GRID2: variants seen among roughly 807,000 people sequenced by gnomAD.
GRID2 encodes the protein glutamate ionotropic receptor delta type subunit 2.
A neutral mutation model predicts 114.8 loss-of-function variants in GRID2; 33 were observed. That is an observed-to-expected ratio of 0.29 (90% CI 0.22 to 0.38). GRID2 has a LOEUF of 0.38. Among genes scored for constraint, GRID2 ranks in the 10% least tolerant of loss-of-function variants. GRID2 has a pLI of 1.00. For missense variants in GRID2, 1,184 were observed against 1,257.7 expected (o/e 0.94, Z 0.89); for synonymous variants, 505 against 449.9 (o/e 1.12, Z -1.55).
At chr4:93,172,431 A>C (rs1181151197) in intron 4 of GRID2, among the ~76,000 whole-genome samples, 2 of 152,054 alleles carry the variant, frequency 1.3e-5, no homozygotes, top group East Asian at 3.9e-4. Flanking sequence ...TGTCTACTAA[A>C]GTTACAAAAA....
intron 11 of GRID2, among the ~76,000 whole-genome samples, chr4:93,481,470 T>A (rs1313674466): frequency 6.6e-6 from 1 of 152,112 alleles, no homozygotes; most frequent in African/African-American, 2.4e-5. Flanking sequence ...TCTTCAAAAC[T>A]GCCATCAAGA....
intron 13 of GRID2, among the ~76,000 whole-genome samples, chr4:93,604,187 T>C (rs1366564399): frequency 6.6e-6 from 1 of 152,228 alleles, no homozygotes; most frequent in African/African-American, 2.4e-5. Flanking sequence ...TCACTGTTCA[T>C]GGGAGGAAGT....
At chr4:92,979,409 C>G (rs1754058423) in intron 2 of GRID2, among the ~76,000 whole-genome samples, 1 of 151,696 alleles carries the variant, frequency 6.6e-6, no homozygotes, top group African/African-American at 2.4e-5. Context: ...GAGCAAGGAC[C>G]TTAGATGATT....
chr4:93,427,203 T>C (rs574051541), intron 10 of GRID2, among the ~76,000 whole-genome samples: 2 of 151,942 alleles, frequency 1.3e-5, no homozygotes, highest in Non-Finnish European at 2.9e-5. Flanking sequence ...TAAAATACCA[T>C]AAAATAATTT....
chr4:92,551,792 A>T (rs139899666), intron 1 of GRID2, among the ~76,000 whole-genome samples: 259 of 152,248 alleles, frequency 1.7e-3, no homozygotes, highest in African/African-American at 6.0e-3. Flanking sequence ...TTGCTGCAGT[A>T]GTCTATGCAT....
chr4:92,549,562 G>C (rs1408088772), intron 1 of GRID2, among the ~76,000 whole-genome samples: 1 of 152,136 alleles, frequency 6.6e-6, no homozygotes, highest in African/African-American at 2.4e-5. Flanking sequence ...ATGACAAAGG[G>C]ACTGAGGGCT....
At chr4:93,768,248 G>A (rs1205821308) in intron 14 of GRID2, among the ~76,000 whole-genome samples, 1 of 152,210 alleles carries the variant, frequency 6.6e-6, no homozygotes, top group Non-Finnish European at 1.5e-5. Flanking sequence ...GTTTGGCCAG[G>A]AAATTCCAGG....
chr4:93,262,078 A>C (rs1263172021), intron 8 of GRID2, among the ~76,000 whole-genome samples: 7 of 151,446 alleles, frequency 4.6e-5, no homozygotes, highest in Non-Finnish European at 1.0e-4. Flanking sequence ...ATAAATATTA[A>C]ATGTATAATA....
intron 13 of GRID2, 86 bp from the exon 14 acceptor site, chr4:93,626,183 C>T (rs2149689943): frequency 9.2e-6 from 6 of 649,988 alleles, no homozygotes; most frequent in Non-Finnish European, 1.6e-5. Context: ...AAATATATAC[C>T]AATGTAATGT....
intron 1 of GRID2, among the ~76,000 whole-genome samples, chr4:92,403,815 C>A (rs1370291890): frequency 6.6e-6 from 1 of 151,982 alleles, no homozygotes; most frequent in Non-Finnish European, 1.5e-5. Context: ...GGCCTAATTT[C>A]AATATTGCTA....
chr4:92,707,270 TGTATCCAAACGG>T (rs1224954806), intron 2 of GRID2, among the ~76,000 whole-genome samples: 4 of 152,166 alleles, frequency 2.6e-5, no homozygotes, highest in African/African-American at 7.2e-5. Flanking sequence ...GCACAAATGC[TGTATCCAAACGG>T]TGGGCACATT....
intron 13 of GRID2, among the ~76,000 whole-genome samples, chr4:93,563,448 T>C (rs1735108046): frequency 6.6e-6 from 1 of 151,894 alleles, no homozygotes; most frequent in Non-Finnish European, 1.5e-5. Context: ...AAACATTCAG[T>C]CCTAAGGACA....
At chr4:92,379,611 A>G (rs1729518392) in intron 1 of GRID2, among the ~76,000 whole-genome samples, 1 of 152,002 alleles carries the variant, frequency 6.6e-6, no homozygotes, top group Non-Finnish European at 1.5e-5. Flanking sequence ...TTACAAGAAG[A>G]AAAACTAGAT....
At chr4:92,670,771 T>C (rs1202340517) in intron 2 of GRID2, among the ~76,000 whole-genome samples, 2 of 152,088 alleles carry the variant, frequency 1.3e-5, no homozygotes, top group Non-Finnish European at 2.9e-5. Flanking sequence ...TAGGTAGTAT[T>C]GTTATTTCTA....
chr4:92,929,493 G>A (rs1462736911), intron 2 of GRID2, among the ~76,000 whole-genome samples: 1 of 151,274 alleles, frequency 6.6e-6, no homozygotes, highest in Non-Finnish European at 1.5e-5. Context: ...TTTTTGTATA[G>A]TAAGTATGGA....
At chr4:92,407,942 A>T (rs1731104066) in intron 1 of GRID2, among the ~76,000 whole-genome samples, 1 of 151,858 alleles carries the variant, frequency 6.6e-6, no homozygotes, top group Non-Finnish European at 1.5e-5. Context: ...GTTTAGTTGG[A>T]TCCTACTTGT....
At chr4:93,637,385 A>G (rs1018247370) in intron 14 of GRID2, among the ~76,000 whole-genome samples, 1 of 152,188 alleles carries the variant, frequency 6.6e-6, no homozygotes, top group Non-Finnish European at 1.5e-5. Context: ...CCTAAAACTG[A>G]TAAGTGACAA....
At chr4:92,923,658 A>T (rs79144278) in intron 2 of GRID2, among the ~76,000 whole-genome samples, 2,408 of 152,340 alleles carry the variant, frequency 0.016, 31 homozygotes, top group Non-Finnish European at 0.025. Context: ...GAGTAGATAC[A>T]TTATACACAT....
intron 2 of GRID2, among the ~76,000 whole-genome samples, chr4:93,056,135 T>C (rs1000680216): frequency 6.6e-6 from 1 of 151,948 alleles, no homozygotes; most frequent in African/African-American, 2.4e-5. Context: ...ACATATGGAC[T>C]GTTATGCAAA....
Sources: allele counts gnomAD v4.1 joint callset (sites outside exome capture counted in the v4.1 genomes callset), GRCh38; gene constraint gnomAD v4.1.1; transcripts MANE v1.5; gene names NCBI Gene and HGNC (gene_info 2026-07-23, HGNC 2026-07-21).